RAD18: variants seen among roughly 807,000 people sequenced by gnomAD.
The protein encoded by RAD18 is RAD18 E3 ubiquitin protein ligase, also known as E3 ubiquitin-protein ligase RAD18.
A neutral mutation model predicts 60.4 loss-of-function variants in RAD18; 47 were observed. The ratio of observed to expected loss-of-function variants is 0.78; its 90% CI spans 0.62 to 0.99. The LOEUF (loss-of-function observed/expected upper bound fraction) is 0.99, where lower values mean the gene tolerates loss of function less well. Ranked by LOEUF, RAD18 falls within the 50% of genes least tolerant of loss-of-function variation. The pLI is 0.00. For missense variants in RAD18, 640 were observed against 593.3 expected (o/e 1.08, Z -0.82); for synonymous variants, 225 against 195.5 (o/e 1.15, Z -1.26).
At chr3:8,883,793 A>G (rs541461011) in intron 12 of RAD18, among the ~76,000 whole-genome samples, 1 of 152,176 alleles carries the variant, frequency 6.6e-6, no homozygotes, top group Non-Finnish European at 1.5e-5. Flanking sequence ...AGCTTTTACC[A>G]TTAGGCTTTT....
At chr3:8,886,738 A>C (rs1199170929) in intron 12 of RAD18, among the ~76,000 whole-genome samples, 1 of 152,202 alleles carries the variant, frequency 6.6e-6, no homozygotes, top group Non-Finnish European at 1.5e-5. Flanking sequence ...TAGATGAATA[A>C]AGGGGAAAGG....
intron 12 of RAD18, among the ~76,000 whole-genome samples, chr3:8,884,703 A>C (rs935467974): frequency 2.0e-5 from 3 of 152,170 alleles, no homozygotes; most frequent in Non-Finnish European, 4.4e-5. Flanking sequence ...GAGGTAGTGC[A>C]AGAAGTCATC....
At position 8,941,754 on chromosome 3, in the gene RAD18, G is replaced by T; in HGVS notation, c.317C>A (p.Ser106Tyr). 1.9e-6 allele frequency: 3 copies of T among 1,614,092 alleles called. No homozygotes were observed. Among genetic ancestry groups the T allele is most frequent in the Non-Finnish European group, 2.5e-6 (3 of 1,179,978 alleles). Residue 106 changes from serine (S) to tyrosine (Y), a missense_variant, in exon 5 of 13, where the codon TCT (serine) becomes TAT (tyrosine). Coordinates refer to ENST00000264926, the MANE Select transcript of RAD18 (RefSeq NM_020165.4). The stretch of plus-strand genomic sequence containing the variant: ...GACAGCAAGATTCTTTGAAGAGGAA[G>T]AAGCAGGAGATTTGGCTGGTGACTC... The part of the protein sequence containing the change: ...ALESPAKSPA[S>Y]SSSKNLAVKV...
intron 5 of RAD18, among the ~76,000 whole-genome samples, chr3:8,940,058 C>A (rs1368559610): frequency 6.6e-6 from 1 of 152,188 alleles, no homozygotes; most frequent in African/African-American, 2.4e-5. Context: ...CACACCTGGC[C>A]CAAGGGCCGA....
At chr3:8,925,671 T>C in intron 7 of RAD18, among the ~76,000 whole-genome samples, 1 of 152,158 alleles carries the variant, frequency 6.6e-6, no homozygotes, top group Non-Finnish European at 1.5e-5. Flanking sequence ...AATAAAATAT[T>C]GGCAAACCGA....
intron 7 of RAD18, among the ~76,000 whole-genome samples, chr3:8,929,989 G>A (rs894804874): frequency 6.6e-5 from 10 of 152,174 alleles, no homozygotes; most frequent in Admixed American, 5.9e-4. Context: ...GTAAAATGGT[G>A]TAGCCACTTT....
intron 7 of RAD18, among the ~76,000 whole-genome samples, chr3:8,923,359 A>G (rs956680371): frequency 6.6e-6 from 1 of 152,246 alleles, no homozygotes; most frequent in Non-Finnish European, 1.5e-5. Context: ...AGAGAAGTTT[A>G]GAGAACAAAG....
chr3:8,923,473 A>C (rs529909738), intron 7 of RAD18, among the ~76,000 whole-genome samples: 1 of 152,304 alleles, frequency 6.6e-6, no homozygotes, highest in South Asian at 2.1e-4. Flanking sequence ...GAATGGAACC[A>C]AGTTGGAAAA....
chr3:8,936,077 T>G (rs377413142), intron 6 of RAD18, 22 bp from the exon 7 acceptor site: 222 of 1,448,456 alleles, frequency 1.5e-4, no homozygotes, highest in Non-Finnish European at 1.9e-4. Context: ...GGAAGATACC[T>G]GATGATTATT....
chr3:8,961,060 G>A (rs1941088588), intron 1 of RAD18, among the ~76,000 whole-genome samples: 1 of 152,216 alleles, frequency 6.6e-6, no homozygotes, highest in African/African-American at 2.4e-5. Context: ...GGCAGGCCCA[G>A]AAGCCAGAAC....
intron 7 of RAD18, among the ~76,000 whole-genome samples, chr3:8,930,702 G>A (rs1940538835): frequency 6.6e-6 from 1 of 151,984 alleles, no homozygotes; most frequent in South Asian, 2.1e-4. Context: ...AACTAGGAAG[G>A]GAAGAAATGT....
chr3:8,935,751 C>T (rs895304927), intron 7 of RAD18, 120 bp downstream of exon 7: 2 of 946,146 alleles, frequency 2.1e-6, no homozygotes, highest in Non-Finnish European at 3.0e-6. Flanking sequence ...AACACATTTG[C>T]ACGTCTTATC....
chr3:8,896,505 C>T (rs1166714003), intron 11 of RAD18, among the ~76,000 whole-genome samples: 7 of 152,206 alleles, frequency 4.6e-5, no homozygotes, highest in Non-Finnish European at 7.3e-5. Flanking sequence ...GATTAAGTCA[C>T]TTAATTTCTT....
At chr3:8,954,478 A>C (rs192630885) in intron 2 of RAD18, among the ~76,000 whole-genome samples, 1 of 152,236 alleles carries the variant, frequency 6.6e-6, no homozygotes, top group Non-Finnish European at 1.5e-5. Flanking sequence ...TGGGCATATT[A>C]GTCTATTAGC....
intron 7 of RAD18, among the ~76,000 whole-genome samples, chr3:8,921,588 T>A (rs1046955866): frequency 5.9e-5 from 9 of 151,966 alleles, no homozygotes; most frequent in Admixed American, 3.3e-4. Flanking sequence ...TGCGGTGAAC[T>A]ATCATTGCGC....
At chr3:8,883,053 A>G (rs950893403) in intron 12 of RAD18, among the ~76,000 whole-genome samples, 18 of 152,356 alleles carry the variant, frequency 1.2e-4, no homozygotes, top group African/African-American at 4.3e-4. Flanking sequence ...GTGAACTTGA[A>G]GGTATGTCAA....
chr3:8,885,108 A>G (rs1939535316), intron 12 of RAD18, among the ~76,000 whole-genome samples: 1 of 152,286 alleles, frequency 6.6e-6, no homozygotes. Context: ...CCTGCTTCCA[A>G]TACACATTAT....
chr3:8,946,289 A>G (rs1940838413), intron 4 of RAD18, among the ~76,000 whole-genome samples: 1 of 152,258 alleles, frequency 6.6e-6, no homozygotes, highest in Non-Finnish European at 1.5e-5. Context: ...AGGTTTTGTT[A>G]CCAAGGAGCA....
intron 7 of RAD18, among the ~76,000 whole-genome samples, chr3:8,923,331 G>C (rs1388464058): frequency 2.0e-5 from 3 of 152,194 alleles, no homozygotes; most frequent in Non-Finnish European, 4.4e-5. Flanking sequence ...AAGATCAAAT[G>C]AATGAAATGA....
Sources: allele counts gnomAD v4.1 joint callset (sites outside exome capture counted in the v4.1 genomes callset), GRCh38; gene constraint gnomAD v4.1.1; transcripts MANE v1.5; gene names NCBI Gene and HGNC (gene_info 2026-07-23, HGNC 2026-07-21).